Variants in LRIF1 observed in about 807,000 individuals in gnomAD.
The protein encoded by LRIF1 is ligand-dependent nuclear receptor-interacting factor 1.
In LRIF1, 32 loss-of-function variants were observed where a neutral mutation model predicts 52.7. The ratio of observed to expected loss-of-function variants is 0.61; its 90% CI spans 0.46 to 0.82. LRIF1 has a LOEUF of 0.82. Among genes scored for constraint, LRIF1 ranks in the 40% least tolerant of loss-of-function variants. The pLI, the probability that LRIF1 is intolerant of heterozygous loss-of-function variation, is 0.00. For missense variants in LRIF1, 887 were observed against 892.0 expected (o/e 0.99, Z 0.07); for synonymous variants, 323 against 317.4 (o/e 1.02, Z -0.19).
the LRIF1 span, among the ~76,000 whole-genome samples, chr1:110,916,300 G>A: frequency 6.6e-6 from 1 of 152,126 alleles, no homozygotes; most frequent in Non-Finnish European, 1.5e-5. Flanking sequence ...GGCAAATGAA[G>A]TTAAAGTGCT....
the LRIF1 span, among the ~76,000 whole-genome samples, chr1:110,887,165 G>A: frequency 6.6e-6 from 1 of 151,938 alleles, no homozygotes; most frequent in Non-Finnish European, 1.5e-5. Flanking sequence ...CCGGGTTCAC[G>A]CCATTCTCCT....
the LRIF1 span, among the ~76,000 whole-genome samples, chr1:110,890,279 A>C: frequency 6.6e-6 from 1 of 152,122 alleles, no homozygotes; most frequent in Admixed American, 6.5e-5. Context: ...GAAAATTCAA[A>C]ATTCTGGCCA....
At chr1:110,922,123 C>T in the LRIF1 span, among the ~76,000 whole-genome samples, 2 of 152,150 alleles carry the variant, frequency 1.3e-5, no homozygotes, top group Non-Finnish European at 2.9e-5. Flanking sequence ...GGATAAACCT[C>T]CTGCTCTATC....
the LRIF1 span, among the ~76,000 whole-genome samples, chr1:110,932,619 G>A: frequency 6.6e-6 from 1 of 152,188 alleles, no homozygotes; most frequent in Admixed American, 6.5e-5. Context: ...CCATGAGCAT[G>A]TAATGTTTTA....
the LRIF1 span, among the ~76,000 whole-genome samples, chr1:110,879,806 G>A: frequency 6.6e-6 from 1 of 152,050 alleles, no homozygotes; most frequent in Non-Finnish European, 1.5e-5. Flanking sequence ...AGGCTCAAGG[G>A]CTTCTCCCAC....
chr1:110,960,157 A>G lies in LRIF1; in HGVS notation c.68+3464T>C, dbSNP rs990440079. ...TACTTGAGAAAATGGAGATTTGGAA[A>G]CATTTAATAACTTACTTAGAATTAC... On this transcript the variant is annotated intron_variant, in intron 1 of 3. Transcript: ENST00000369763. Among the ~76,000 whole-genome samples the G allele has an allele frequency of 3.3e-5, 5 of 152,192 alleles. No homozygotes were observed. The East Asian group carries it at 5.8e-4, about 18-fold the overall frequency.
At chr1:110,931,411 T>C in the LRIF1 span, among the ~76,000 whole-genome samples, 10 of 152,338 alleles carry the variant, frequency 6.6e-5, no homozygotes, top group African/African-American at 1.9e-4. Flanking sequence ...TGGCTCCAAA[T>C]CTTTGCTATT....
chr1:110,943,769 G>C (rs1420645247), downstream of LRIF1: 1 of 152,148 alleles, frequency 6.6e-6, no homozygotes, highest in African/African-American at 2.4e-5. Flanking sequence ...TGTTTCCCCT[G>C]CTGGGAAAGT....
Position 110,947,981 on chromosome 1 carries a change from C to G in LRIF1, c.2288G>C (p.Arg763Pro). The G allele has an allele frequency of 6.3e-7, 1 of 1,582,188 alleles. No individual in the cohort carries two copies. The highest frequency in any genetic ancestry group is 8.6e-7 in the Non-Finnish European group (1 of 1,167,598). ...ATTTTATTTTTGGTGCATCTTCTTA[C>G]GCATTTCTTCAAGAGCTGCTTCTTT... ...REKEAALEEM[R>P]KKMHQK Residue 763 changes from arginine to proline, a missense_variant, in exon 4 of 4, where the codon CGT becomes CCT. By Grantham distance (103) the Arg-to-Pro change is moderately radical. Transcript: ENST00000369763.
the LRIF1 span, chr1:110,880,280 A>C: frequency 6.6e-6 from 1 of 152,264 alleles, no homozygotes; most frequent in Admixed American, 6.5e-5. Context: ...ACGGAGCAGC[A>C]TTCTCTCTGG....
In LRIF1 at chr1:110,948,403, C is replaced by T. The variant is rs769113814; in HGVS notation, c.1870-4G>A. On this transcript the variant is annotated splice_polypyrimidine_tract_variant and splice_region_variant and intron_variant, in intron 3 of 3. Coordinates refer to ENST00000369763, the MANE Select transcript of LRIF1 (RefSeq NM_018372.4). Reference sequence around the variant, plus strand: ...TTCTTTTCTTATCAAAATTCTGCTGCAATATTGAATAACATTCCAAAACAA... The same window carrying T: ...TTCTTTTCTTATCAAAATTCTGCTGTAATATTGAATAACATTCCAAAACAA... The T allele has an allele frequency of 1.0e-5, 16 of 1,604,818 alleles. No individual in the cohort carries two copies. Among genetic ancestry groups the T allele is most frequent in the Non-Finnish European group, 1.4e-5 (16 of 1,174,906 alleles).
chr1:110,962,310 A>G (rs535660991), intron 1 of LRIF1, among the ~76,000 whole-genome samples: 7 of 151,878 alleles, frequency 4.6e-5, no homozygotes, highest in African/African-American at 1.7e-4. Flanking sequence ...TAAAAAAAAG[A>G]AAAAAGAAAA....
the LRIF1 span, among the ~76,000 whole-genome samples, chr1:110,933,818 A>G: frequency 0.056 from 8,582 of 152,228 alleles, 289 homozygotes; most frequent in East Asian, 0.13. Context: ...AAGAAACAGT[A>G]GACTTGGGGG....
chr1:110,879,045 T>A, the LRIF1 span, among the ~76,000 whole-genome samples: 1 of 152,208 alleles, frequency 6.6e-6, no homozygotes, highest in African/African-American at 2.4e-5. Flanking sequence ...TTATTTTTTT[T>A]ACAAATGGCA....
chr1:110,938,432 A>G, the LRIF1 span: 1 of 152,214 alleles, frequency 6.6e-6, no homozygotes, highest in Non-Finnish European at 1.5e-5. Context: ...ATGACACATC[A>G]TATCAACAGA....
intron 1 of LRIF1, among the ~76,000 whole-genome samples, chr1:110,956,814 T>TA: frequency 6.6e-6 from 1 of 152,338 alleles, no homozygotes; most frequent in Middle Eastern, 3.4e-3. Flanking sequence ...TAGATGGTGT[T>TA]AACAAGCTGC....
At chr1:110,886,846 A>AAGATATAT in the LRIF1 span, among the ~76,000 whole-genome samples, 122 of 100,980 alleles carry the variant, frequency 1.2e-3, 32 homozygotes, top group Non-Finnish European at 1.4e-3. Flanking sequence ...CTCTGTCTCC[A>AAGATATAT]ATATATATAT....
At chr1:110,894,160 A>G in the LRIF1 span, 1 of 629,394 alleles carries the variant, frequency 1.6e-6, no homozygotes, top group Admixed American at 2.8e-5. Context: ...TAATTGTAGA[A>G]AAAGAACACA....
chr1:110,898,004 C>T, the LRIF1 span: 4 of 549,594 alleles, frequency 7.3e-6, no homozygotes, highest in Non-Finnish European at 1.3e-5. Context: ...GCTATTTTTA[C>T]TAATATATGA....
Sources: allele counts gnomAD v4.1 joint callset (sites outside exome capture counted in the v4.1 genomes callset), GRCh38; gene constraint gnomAD v4.1.1; transcripts MANE v1.5; gene names NCBI Gene and HGNC (gene_info 2026-07-23, HGNC 2026-07-21).